ARMC8: variants seen among roughly 807,000 people sequenced by gnomAD.
The protein encoded by ARMC8 is armadillo repeat containing 8, also known as armadillo repeat-containing protein 8.
ARMC8 carries 20 observed loss-of-function variants against 99.3 expected under a neutral mutation model. That is an observed-to-expected ratio of 0.20 (90% CI 0.14 to 0.29). The LOEUF is 0.29. Ranked by LOEUF, ARMC8 falls within the 10% of genes least tolerant of loss-of-function variation. The pLI is 1.00. For missense variants in ARMC8, 569 were observed against 809.5 expected (o/e 0.70, Z 3.60); for synonymous variants, 263 against 278.3 (o/e 0.95, Z 0.55).
intron 12 of ARMC8, chr3:138,245,689 T>C (rs2108194219): frequency 1.0e-6 from 1 of 993,462 alleles, no homozygotes; most frequent in East Asian, 1.1e-4. Context: ...GATGATTTTA[T>C]GTTTAGTGAG....
chr3:138,241,717 C>A, intron 10 of ARMC8, 66 bp from the exon 11 acceptor site: 1 of 1,307,028 alleles, frequency 7.7e-7, no homozygotes, highest in Non-Finnish European at 1.1e-6. Flanking sequence ...TGAGTTGATT[C>A]AGTCACTATA....
intron 6 of ARMC8, among the ~76,000 whole-genome samples, chr3:138,231,479 CATA>C (rs1263678018): frequency 6.6e-6 from 1 of 152,008 alleles, no homozygotes; most frequent in East Asian, 1.9e-4. Flanking sequence ...GCAATATAAT[CATA>C]ATTATATTTT....
At chr3:138,189,685 A>G (rs2043266106) in intron 1 of ARMC8, among the ~76,000 whole-genome samples, 1 of 152,214 alleles carries the variant, frequency 6.6e-6, no homozygotes, top group Non-Finnish European at 1.5e-5. Context: ...AGTTGTTTTA[A>G]AGGATTTCCA....
At chr3:138,255,290 C>T (rs1368333252) in intron 12 of ARMC8, among the ~76,000 whole-genome samples, 1 of 150,934 alleles carries the variant, frequency 6.6e-6, no homozygotes, top group Non-Finnish European at 1.5e-5. Context: ...GCAAGCTCCA[C>T]CTCCCGGGCT....
At chr3:138,269,242 T>A (rs1403165515) in intron 15 of ARMC8, among the ~76,000 whole-genome samples, 1 of 152,208 alleles carries the variant, frequency 6.6e-6, no homozygotes, top group Non-Finnish European at 1.5e-5. Context: ...TACCCCTTTT[T>A]CTGGGTATAT....
chr3:138,286,101 C>T (rs1233565281), intron 19 of ARMC8, among the ~76,000 whole-genome samples: 2 of 152,030 alleles, frequency 1.3e-5, no homozygotes, highest in South Asian at 2.1e-4. Flanking sequence ...GGCACTATTG[C>T]CCGGCTAATT....
chr3:138,276,911 C>T (rs1407179728), intron 18 of ARMC8, among the ~76,000 whole-genome samples: 2 of 152,012 alleles, frequency 1.3e-5, no homozygotes, highest in African/African-American at 4.8e-5. Context: ...TGTGCCTTTA[C>T]ATATAGATTT....
intron 20 of ARMC8, among the ~76,000 whole-genome samples, chr3:138,289,998 T>C (rs1057464559): frequency 2.0e-5 from 3 of 152,138 alleles, no homozygotes; most frequent in African/African-American, 7.2e-5. Flanking sequence ...GTACCACTTG[T>C]GTACTGGGGA....
rs2045126337 is a variant in ARMC8 at position 138,217,420 on chromosome 3, T to C, written c.123-4506T>C. Among the ~76,000 whole-genome samples the C allele has an allele frequency of 2.0e-5, 3 of 152,116 alleles. No individual in the cohort carries two copies. The South Asian group carries it at 6.2e-4, about 32-fold the overall frequency. Reference sequence around the variant, plus strand: ...TAGATCCTTTTTTTTTTTTTTTCTTTTTTCTGTTATTTTAATAGCAACATA... The same window carrying C: ...TAGATCCTTTTTTTTTTTTTTTCTTCTTTCTGTTATTTTAATAGCAACATA... On this transcript the variant is annotated intron_variant, in intron 2 of 21. Coordinates refer to ENST00000469044, the MANE Select transcript of ARMC8 (RefSeq NM_001363941.2).
intron 6 of ARMC8, among the ~76,000 whole-genome samples, chr3:138,229,566 A>G (rs1432981917): frequency 2.0e-5 from 3 of 152,142 alleles, no homozygotes; most frequent in African/African-American, 4.8e-5. Flanking sequence ...ACTTTATACT[A>G]CCAGCAATGT....
At chr3:138,270,423 A>G (rs1196040089) in intron 16 of ARMC8, among the ~76,000 whole-genome samples, 1 of 152,184 alleles carries the variant, frequency 6.6e-6, no homozygotes, top group African/African-American at 2.4e-5. Context: ...AACATATTAT[A>G]TTTTTGTGTA....
At chr3:138,256,474 T>G (rs1325312176) in intron 12 of ARMC8, among the ~76,000 whole-genome samples, 1 of 145,702 alleles carries the variant, frequency 6.9e-6, no homozygotes, top group African/African-American at 2.5e-5. Context: ...GCAGTGGTGC[T>G]ATCTCGGCTC....
intron 2 of ARMC8, 57 bp downstream of exon 2, chr3:138,209,950 C>T: frequency 7.5e-7 from 1 of 1,338,742 alleles, no homozygotes; most frequent in Non-Finnish European, 1.1e-6. Flanking sequence ...ATGTTTTAAT[C>T]TGCCACATAT....
At chr3:138,214,175 G>T (rs1435264682) in intron 2 of ARMC8, among the ~76,000 whole-genome samples, 1 of 147,742 alleles carries the variant, frequency 6.8e-6, no homozygotes, top group East Asian at 2.0e-4. Context: ...AAAAAAAAAA[G>T]GTTAGCAGAT....
chr3:138,245,701 G>A, intron 12 of ARMC8: 1 of 991,552 alleles, frequency 1.0e-6, no homozygotes, highest in Non-Finnish European at 1.2e-6. Context: ...TTTAGTGAGT[G>A]GTCATCTGAA....
At chr3:138,250,623 A>T (rs73867052) in intron 12 of ARMC8, among the ~76,000 whole-genome samples, 2 of 152,332 alleles carry the variant, frequency 1.3e-5, no homozygotes, top group African/African-American at 4.8e-5. Context: ...TAGATGTCTT[A>T]AGAAAAGTAA....
chr3:138,203,552 GTT>G (rs1429270055), intron 1 of ARMC8, among the ~76,000 whole-genome samples: 1 of 152,216 alleles, frequency 6.6e-6, no homozygotes, highest in Non-Finnish European at 1.5e-5. Context: ...CTGACAACTA[GTT>G]TCTGTTAGAG....
At chr3:138,286,694 T>A (rs1256996542) in intron 19 of ARMC8, among the ~76,000 whole-genome samples, 1 of 152,180 alleles carries the variant, frequency 6.6e-6, no homozygotes, top group African/African-American at 2.4e-5. Flanking sequence ...GATTTTTTTT[T>A]AAGATCACTG....
At chr3:138,238,929 G>A (rs923614188) in intron 9 of ARMC8, 6 of 152,168 alleles carry the variant, frequency 3.9e-5, no homozygotes, top group African/African-American at 1.4e-4. Flanking sequence ...TTGTTTTTCA[G>A]TAGAACCAAA....
Sources: allele counts gnomAD v4.1 joint callset (sites outside exome capture counted in the v4.1 genomes callset), GRCh38; gene constraint gnomAD v4.1.1; transcripts MANE v1.5; gene names NCBI Gene and HGNC (gene_info 2026-07-23, HGNC 2026-07-21).